EPC2: variants seen among roughly 807,000 people sequenced by gnomAD.
EPC2 encodes enhancer of polycomb homolog 2.
In EPC2, 14 loss-of-function variants were observed where a neutral mutation model predicts 92.1. The ratio of observed to expected loss-of-function variants is 0.15; its 90% confidence interval spans 0.10 to 0.24. The LOEUF is 0.24. Among genes scored for constraint, EPC2 ranks in the 10% least tolerant of loss-of-function variants. The probability of loss-of-function intolerance (pLI) is 1.00; values close to 1 mark genes in which losing one functional copy is unlikely to be tolerated. For missense variants in EPC2, 755 were observed against 971.5 expected, an observed-to-expected ratio of 0.78 and a Z score of 2.96; for synonymous variants, 340 against 334.7, an observed-to-expected ratio of 1.02 and a Z score of -0.17.
At chr2:148,786,271 G>A (rs1237284197) in intron 13 of EPC2, 34 bp from the exon 14 acceptor site, 1 of 1,515,968 alleles carries the variant, frequency 6.6e-7, no homozygotes, top group Non-Finnish European at 9.1e-7. Context: ...AGAGAGTATT[G>A]ATATTTATTT....
chr2:148,667,880 A>G (rs917700270), intron 1 of EPC2, among the ~76,000 whole-genome samples: 4 of 152,072 alleles, frequency 2.6e-5, no homozygotes, highest in Admixed American at 6.6e-5. Flanking sequence ...AGAGATGATC[A>G]TACAGTTTTT....
chr2:148,768,640 G>T (rs1271110497), intron 7 of EPC2, among the ~76,000 whole-genome samples: 1 of 152,174 alleles, frequency 6.6e-6, no homozygotes, highest in Non-Finnish European at 1.5e-5. Context: ...GGAGATACAA[G>T]ACTTTCCTTT....
At position 148,691,811 on chromosome 2, in the gene EPC2, C is replaced by T. The variant is rs762431811; in HGVS notation, c.313+1438C>T. The T allele has an allele frequency of 1.3e-5, 9 of 689,646 alleles. No individual in the cohort carries two copies. The South Asian group carries it at 1.4e-4, about 10-fold the overall frequency. The allele number at this position is 689,646 out of a possible 1,614,324, so 42.7% of individuals were successfully genotyped here. A position where few individuals can be genotyped will look rare whatever the true frequency, so the allele number is the denominator to read the frequency against. ...TGAGAAATACAAAATTCTTTGCTTT[C>T]CCTTTCTGCATGGCTAATTTATTTC... On this transcript the variant is annotated intron_variant, in intron 2 of 13. Coordinates refer to ENST00000258484, the MANE Select transcript of EPC2 (RefSeq NM_015630.4).
chr2:148,717,758 A>G (rs1361024307), intron 2 of EPC2, among the ~76,000 whole-genome samples: 1 of 152,202 alleles, frequency 6.6e-6, no homozygotes, highest in Non-Finnish European at 1.5e-5. Context: ...GGTATTTGTC[A>G]GGTCTACTCT....
chr2:148,713,645 C>T (rs1160713788), intron 2 of EPC2, among the ~76,000 whole-genome samples: 2 of 152,060 alleles, frequency 1.3e-5, no homozygotes, highest in Admixed American at 6.6e-5. Context: ...TATGATGTGC[C>T]CTATACAGTA....
chr2:148,774,637 T>C (rs1290686645), intron 10 of EPC2, among the ~76,000 whole-genome samples: 2 of 148,712 alleles, frequency 1.3e-5, no homozygotes, highest in African/African-American at 4.9e-5. Context: ...TATATATATA[T>C]ATATGCATGT....
chr2:148,713,446 A>G (rs1682195375), intron 2 of EPC2, among the ~76,000 whole-genome samples: 1 of 152,200 alleles, frequency 6.6e-6, no homozygotes, highest in Non-Finnish European at 1.5e-5. Context: ...TACAAAAGAG[A>G]CAAAAAGTTA....
chr2:148,649,678 T>C (rs1389460074), intron 1 of EPC2, among the ~76,000 whole-genome samples: 1 of 152,234 alleles, frequency 6.6e-6, no homozygotes, highest in Non-Finnish European at 1.5e-5. Context: ...AAGGTCTTGC[T>C]GCTAGTGCAG....
chr2:148,664,878 T>A (rs2105357177), intron 1 of EPC2, among the ~76,000 whole-genome samples: 1 of 152,370 alleles, frequency 6.6e-6, no homozygotes, highest in Non-Finnish European at 1.5e-5. Flanking sequence ...ACAATTTGTT[T>A]ATCTTTAGAG....
At chr2:148,649,354 A>G (rs1680613593) in intron 1 of EPC2, among the ~76,000 whole-genome samples, 1 of 151,754 alleles carries the variant, frequency 6.6e-6, no homozygotes, top group South Asian at 2.1e-4. Flanking sequence ...GTCCCTTTCC[A>G]CTCCTAGTCC....
intron 1 of EPC2, among the ~76,000 whole-genome samples, chr2:148,660,603 A>T (rs1680912514): frequency 6.6e-6 from 1 of 151,916 alleles, no homozygotes; most frequent in Non-Finnish European, 1.5e-5. Context: ...TTAATAAAAA[A>T]TGCTTTTGGT....
At chr2:148,754,305 G>A (rs1248663690) in intron 4 of EPC2, among the ~76,000 whole-genome samples, 172 bp downstream of exon 4, 1 of 151,934 alleles carries the variant, frequency 6.6e-6, no homozygotes, top group East Asian at 1.9e-4. Context: ...TATCCATTGC[G>A]CCACTGGCCC....
At chr2:148,772,788 T>C (rs1200901398) in intron 10 of EPC2, among the ~76,000 whole-genome samples, 1 of 152,186 alleles carries the variant, frequency 6.6e-6, no homozygotes, top group Non-Finnish European at 1.5e-5. Flanking sequence ...ATTAGAAATC[T>C]AAAGATAGTA....
At chr2:148,742,137 T>G (rs1407447455) in intron 2 of EPC2, among the ~76,000 whole-genome samples, 2 of 152,042 alleles carry the variant, frequency 1.3e-5, no homozygotes, top group Non-Finnish European at 1.5e-5. Context: ...CTACACACAT[T>G]GTTTGTTTTG....
At chr2:148,681,617 T>C (rs1681398672) in intron 1 of EPC2, among the ~76,000 whole-genome samples, 1 of 152,220 alleles carries the variant, frequency 6.6e-6, no homozygotes, top group Non-Finnish European at 1.5e-5. Flanking sequence ...TGATTTTTTT[T>C]CTTTTCCGTA....
At chr2:148,661,812 C>T (rs987750211) in intron 1 of EPC2, among the ~76,000 whole-genome samples, 4 of 151,916 alleles carry the variant, frequency 2.6e-5, no homozygotes, top group African/African-American at 9.7e-5. Context: ...TATGATTTTC[C>T]CCTTAGGTGT....
At chr2:148,737,812 TA>T (rs1173824162) in intron 2 of EPC2, among the ~76,000 whole-genome samples, 154 of 144,082 alleles carry the variant, frequency 1.1e-3, no homozygotes, top group South Asian at 2.7e-3. Flanking sequence ...CCGATGAGCT[TA>T]AAAAAAAAAA....
chr2:148,718,114 T>G lies in EPC2; in HGVS notation c.314-25508T>G, dbSNP rs78980496. On this transcript the variant is annotated intron_variant, in intron 2 of 13. Transcript: ENST00000258484. ...GCTTAGTAAATTGTCTTCAGTCTCT[T>G]TATTTTGAGTCTTTGTGTGTCTTTG... 2.9e-4 allele frequency among the ~76,000 whole-genome samples: 43 copies of G among 149,810 alleles called. No homozygotes were observed. In the East Asian group the frequency reaches 7.9e-3, roughly 28 times the overall value.
rs555487825 is a variant in EPC2, at chr2:148,715,722, A to G, written c.313+25349A>G. Among the ~76,000 whole-genome samples the G allele has an allele frequency of 2.0e-5, 3 of 152,298 alleles. No homozygotes were observed. In the East Asian group the frequency reaches 5.8e-4, roughly 29 times the overall value. On this transcript the variant is annotated intron_variant, in intron 2 of 13. Coordinates refer to ENST00000258484, the MANE Select transcript of EPC2 (RefSeq NM_015630.4). ...GCTACTCGGGCTCTTTTTTGGTTCC[A>G]TATGAATTTTAAAATAGTTTCTTCT...
Sources: gnomAD v4.1 joint callset for allele counts (sites outside exome capture counted in the v4.1 genomes callset) on GRCh38, gnomAD v4.1.1 for gene constraint, MANE v1.5 for transcripts, NCBI Gene and HGNC (gene_info 2026-07-23, HGNC 2026-07-21) for gene names.